MYZAP: variants seen among roughly 807,000 people sequenced by gnomAD.
MYZAP encodes GRINL1A complex locus upstream.
Under a neutral mutation model 69.4 loss-of-function variants are expected in MYZAP, and 66 were observed. That is an observed-to-expected ratio of 0.95 (90% CI 0.78 to 1.17). MYZAP has a LOEUF of 1.17. MYZAP is among the 50% of genes most tolerant of loss of function. The probability of loss-of-function intolerance (pLI) is 0.00; values close to 1 mark genes in which losing one functional copy is unlikely to be tolerated. For synonymous variants in MYZAP, 256 were observed against 205.9 expected, an observed-to-expected ratio of 1.24 and a Z score of -2.09; for missense variants, 611 against 556.2, an observed-to-expected ratio of 1.10 and a Z score of -0.99.
intron 11 of MYZAP, among the ~76,000 whole-genome samples, chr15:57,671,220 T>G (rs1239794901): frequency 6.6e-6 from 1 of 152,146 alleles, no homozygotes; most frequent in African/African-American, 2.4e-5. Context: ...GCCGGTTTAT[T>G]TCTCTTGGTA....
chr15:57,650,185 C>G (rs189446734), intron 10 of MYZAP, among the ~76,000 whole-genome samples: 73 of 152,258 alleles, frequency 4.8e-4, no homozygotes, highest in South Asian at 3.3e-3. Flanking sequence ...TTTCGTCAAG[C>G]TGGAGTTGTT....
chr15:57,657,547 G>A (rs1398827216), intron 10 of MYZAP, among the ~76,000 whole-genome samples: 1 of 151,826 alleles, frequency 6.6e-6, no homozygotes, highest in Non-Finnish European at 1.5e-5. Flanking sequence ...CAGTATATTT[G>A]TTTTTAGTGT....
intron 12 of MYZAP, among the ~76,000 whole-genome samples, chr15:57,676,521 A>G (rs890870343): frequency 5.3e-5 from 8 of 150,372 alleles, no homozygotes; most frequent in Non-Finnish European, 1.0e-4. Flanking sequence ...TCATATATGA[A>G]AATATAACCA....
intron 10 of MYZAP, among the ~76,000 whole-genome samples, chr15:57,653,228 C>A (rs1461200983): frequency 6.6e-6 from 1 of 152,080 alleles, no homozygotes; most frequent in Non-Finnish European, 1.5e-5. Flanking sequence ...GAAATGAAAA[C>A]ATTATAAAGA....
intron 1 of MYZAP, among the ~76,000 whole-genome samples, chr15:57,597,725 C>G (rs1171799014): frequency 9.9e-5 from 15 of 152,212 alleles, no homozygotes; most frequent in Admixed American, 9.8e-4. Flanking sequence ...TAAATATTTA[C>G]TGTCTGGCTC....
intron 10 of MYZAP, chr15:57,648,000 C>T (rs2037531764): frequency 5.1e-6 from 5 of 985,406 alleles, no homozygotes; most frequent in Non-Finnish European, 6.0e-6. Flanking sequence ...AGCTCTGTCT[C>T]GTGGCCACTC....
intron 10 of MYZAP, chr15:57,646,148 C>A (rs749455455): frequency 7.8e-7 from 1 of 1,289,170 alleles, no homozygotes; most frequent in Non-Finnish European, 1.0e-6. Flanking sequence ...TCATGTCGCA[C>A]GAGCTCTTCT....
intron 10 of MYZAP, chr15:57,647,748 C>G: frequency 1.0e-6 from 1 of 985,414 alleles, no homozygotes; most frequent in Non-Finnish European, 1.2e-6. Context: ...TGGCCCTGGC[C>G]CTGGGTCCTA....
chr15:57,601,269 C>T (rs2034392965), intron 1 of MYZAP, among the ~76,000 whole-genome samples: 1 of 99,388 alleles, frequency 1.0e-5, no homozygotes, highest in African/African-American at 4.8e-5. Flanking sequence ...TACGTGTGTG[C>T]ACACTTGTGT....
intron 2 of MYZAP, among the ~76,000 whole-genome samples, chr15:57,608,309 G>A (rs1395208663): frequency 6.6e-6 from 1 of 152,198 alleles, no homozygotes; most frequent in Non-Finnish European, 1.5e-5. Context: ...TCCGTTTGCT[G>A]TTCTCCAGTT....
chr15:57,640,730 G>A (rs1252047110), intron 10 of MYZAP, among the ~76,000 whole-genome samples: 3 of 152,174 alleles, frequency 2.0e-5, no homozygotes, highest in African/African-American at 7.2e-5. Context: ...TTAGATAAAA[G>A]TTTGTCCGCA....
chr15:57,683,619 C>G (rs557888905), intron 12 of MYZAP, among the ~76,000 whole-genome samples: 5 of 152,268 alleles, frequency 3.3e-5, no homozygotes, highest in Admixed American at 2.6e-4. Flanking sequence ...GTACCATAAA[C>G]TAGTTAGCTT....
rs34906389 is a variant in MYZAP, at chr15:57,645,029, T to C, written c.1119+5484T>C. Reference sequence around the variant, plus strand: ...TGCACGTGTCTGCCTCGCCCTGCTTTAAATTATTCACTTCTGTCTGTACAG... The same window carrying C: ...TGCACGTGTCTGCCTCGCCCTGCTTCAAATTATTCACTTCTGTCTGTACAG... On this transcript the variant is annotated intron_variant, in intron 10 of 12. Coordinates refer to ENST00000267853, the MANE Select transcript of MYZAP (RefSeq NM_001018100.5). Among the ~76,000 whole-genome samples, 357 of 152,360 alleles carry C rather than the reference T, an allele frequency of 2.3e-3. 4 individuals are homozygous for C. The South Asian group carries it at 0.027, about 12-fold the overall frequency.
At chr15:57,593,211 C>CACACACACACACACACAT (rs2033828530) in intron 1 of MYZAP, among the ~76,000 whole-genome samples, 1 of 151,142 alleles carries the variant, frequency 6.6e-6, no homozygotes, top group African/African-American at 2.5e-5. Flanking sequence ...CACACACACA[C>CACACACACACACACACAT]ACACCCCAGA....
At chr15:57,673,971 G>T (rs1488041989) in intron 11 of MYZAP, among the ~76,000 whole-genome samples, 6 of 152,158 alleles carry the variant, frequency 3.9e-5, no homozygotes, top group African/African-American at 1.4e-4. Context: ...TATTTATCTT[G>T]TATCTGCTGC....
intron 3 of MYZAP, among the ~76,000 whole-genome samples, chr15:57,618,665 G>T (rs139723031): frequency 6.6e-6 from 1 of 152,168 alleles, no homozygotes; most frequent in Non-Finnish European, 1.5e-5. Flanking sequence ...TATCTTTTAA[G>T]TTACATGTTC....
At chr15:57,639,798 T>C (rs571031413) in intron 10 of MYZAP, among the ~76,000 whole-genome samples, 1 of 152,254 alleles carries the variant, frequency 6.6e-6, no homozygotes, top group Non-Finnish European at 1.5e-5. Flanking sequence ...GTTCATAAGC[T>C]CACCCACTGT....
At chr15:57,663,829 G>T (rs1028556382) in intron 11 of MYZAP, among the ~76,000 whole-genome samples, 6 of 151,782 alleles carry the variant, frequency 4.0e-5, no homozygotes, top group African/African-American at 1.5e-4. Flanking sequence ...GTTTTTTTTT[G>T]AGCATATCAA....
chr15:57,608,003 C>T (rs1488471298), intron 2 of MYZAP, among the ~76,000 whole-genome samples: 1 of 152,218 alleles, frequency 6.6e-6, no homozygotes, highest in Non-Finnish European at 1.5e-5. Flanking sequence ...CTGGATGACC[C>T]TCCCTGGTCA....
Sources: allele counts gnomAD v4.1 joint callset (sites outside exome capture counted in the v4.1 genomes callset), GRCh38; gene constraint gnomAD v4.1.1; transcripts MANE v1.5; gene names NCBI Gene and HGNC (gene_info 2026-07-23, HGNC 2026-07-21).